Variants in ATP12A observed in about 807,000 individuals in gnomAD.
ATP12A encodes the protein potassium-transporting ATPase alpha chain 2.
Under a neutral mutation model 111.2 loss-of-function variants are expected in ATP12A, and 81 were observed. The ratio of observed to expected loss-of-function variants is 0.73; its 90% CI spans 0.61 to 0.88. The LOEUF (loss-of-function observed/expected upper bound fraction) is 0.88. ATP12A is among the 40% of genes least tolerant of loss of function. The probability of loss-of-function intolerance (pLI) is 0.00; values close to 1 mark genes in which losing one functional copy is unlikely to be tolerated. For missense variants in ATP12A, 1,196 were observed against 1,313.1 expected (o/e 0.91, Z 1.38); for synonymous variants, 498 against 499.8 (o/e 1.00, Z 0.05).
chr13:24,680,464 C>T lies in ATP12A; in HGVS notation c.-280C>T, dbSNP rs1327915354. ...TCGGTCCCCCTCCCTGCGCGCGCGC[C>T]GGCGGGTTTCCTACCCTCCGAGGCG... On this transcript the variant is annotated 5_prime_UTR_variant, in exon 1 of 23. Transcript: ENST00000381946. 7.0e-6 allele frequency: 3 copies of T among 429,490 alleles called. No individual in the cohort carries two copies. The highest frequency in any genetic ancestry group is 4.1e-5 in the South Asian group (1 of 24,112). 26.6% of individuals were successfully genotyped at this position (429,490 alleles called of 1,614,324 possible).
At chr13:24,701,874 C>A in intron 13 of ATP12A, 61 bp from the exon 14 acceptor site, 2 of 1,608,058 alleles carry the variant, frequency 1.2e-6, no homozygotes, top group Non-Finnish European at 1.7e-6. Context: ...ACTGAACCAT[C>A]CCCACTTTGG....
intron 4 of ATP12A, 117 bp downstream of exon 4, chr13:24,688,639 C>A: frequency 9.4e-7 from 1 of 1,059,656 alleles, no homozygotes; most frequent in Non-Finnish European, 1.3e-6. Context: ...AGGCATTTTC[C>A]CAGCTGTAAA....
chr13:24,688,451 G>A lies in ATP12A; in HGVS notation c.361G>A (p.Val121Met), dbSNP rs746901315. The A allele has an allele frequency of 1.9e-6, 3 of 1,613,926 alleles. No individual in the cohort carries two copies. The highest frequency in any genetic ancestry group is 2.5e-6 in the Non-Finnish European group (3 of 1,179,952). Residue 121 changes from valine (V) to methionine (M), a missense_variant, in exon 4 of 23, where the codon GTG becomes ATG. By Grantham distance (21) the Val-to-Met change is conservative. Around this residue, in one of 3 missense-constraint regions of ATP12A, gnomAD observed 1,126 missense variants for 1,228.5 expected, o/e 0.92. Transcript: ENST00000381946. ...MVGGFSILLW[V>M]GAFLCWIAYG... ...GGGGGGGTTCTCTATCCTCCTGTGG[G>A]TGGGCGCCTTTCTCTGTTGGATTGC...
chr13:24,694,543 GC>G lies in ATP12A; in HGVS notation c.1478del (p.Ala493ValfsTer29). On this transcript the variant is annotated frameshift_variant, in exon 11 of 23. Transcript: ENST00000381946. LOFTEE classifies it high-confidence loss of function. ...AATTAGAAAAAGAAACCGCAAAGTA[GC>G]TGAAATCCCTTTTAACTCTACTAAT... is the stretch of plus-strand genomic sequence containing the variant. ...MEIRKRNRKVAEIPFNSTNKF... is the reference protein window; with the variant it reads ...MEIRKRNRKVXEIPFNSTNKF... The G allele has an allele frequency of 6.2e-7, 1 of 1,613,714 alleles. No homozygotes were observed. Among genetic ancestry groups the G allele is most frequent in the Non-Finnish European group, 8.5e-7 (1 of 1,180,044 alleles).
At chr13:24,704,004 T>C (rs1217333802) in intron 14 of ATP12A, among the ~76,000 whole-genome samples, 1 of 150,394 alleles carries the variant, frequency 6.6e-6, no homozygotes, top group African/African-American at 2.5e-5. Flanking sequence ...TAGCAGATTT[T>C]TTTTTTTTTG....
In ATP12A at chr13:24,690,985, C is replaced by T; in HGVS notation, c.803C>T (p.Thr268Ile). The T allele has an allele frequency of 1.2e-6, 2 of 1,614,162 alleles. No homozygotes were observed. Among genetic ancestry groups the T allele is most frequent in the Non-Finnish European group, 1.7e-6 (2 of 1,179,990 alleles). ...AAAGCATCTACTTCCCCTGTAGGCA[C>T]TGTCACCGGCATGGTTATCAACACG... ...CFYSTTCLEG[T>I]VTGMVINTGD... The change falls in exon 8 of 23, where the codon ACT becomes ATT. Residue 268 changes from threonine (T) to isoleucine (I), a missense_variant. This residue lies in a region of ATP12A where 1,126 missense variants were observed against 1,228.5 expected (regional missense o/e 0.92). Transcript: ENST00000381946.
chr13:24,681,912 GTA>G (rs1161237075), intron 2 of ATP12A, among the ~76,000 whole-genome samples, 192 bp downstream of exon 2: 16 of 138,934 alleles, frequency 1.2e-4, no homozygotes, highest in African/African-American at 4.3e-4. Context: ...TGGTGTGTGT[GTA>G]TGTGTGGTGT....
chr13:24,701,273 G>A (rs924731429), intron 13 of ATP12A, among the ~76,000 whole-genome samples: 9 of 152,168 alleles, frequency 5.9e-5, no homozygotes, highest in East Asian at 3.9e-4. Flanking sequence ...TGAGGCAGGC[G>A]GATCATCTGA....
intron 14 of ATP12A, 68 bp from the exon 15 acceptor site, chr13:24,706,245 T>C: frequency 6.4e-7 from 1 of 1,564,464 alleles, no homozygotes; most frequent in South Asian, 1.2e-5. Flanking sequence ...GCCAGCATCC[T>C]GCCTGGAACA....
In ATP12A at chr13:24,692,857, A is replaced by G. The variant is rs1371577783; in HGVS notation, c.1338A>G (p.Ala446=). Residue 446 remains alanine (A), a synonymous_variant, in exon 10 of 23, where the codon GCA becomes GCG. Coordinates refer to ENST00000381946, the MANE Select transcript of ATP12A (RefSeq NM_001676.7). ...LSKIITLCNR[A]EFKPGQENVP... ...AGATAATAACATTGTGTAACCGAGC[A>G]GAGTTCAAGCCAGGACAGGAAAATG... is the stretch of plus-strand genomic sequence containing the variant. The G allele has an allele frequency of 2.5e-6, 4 of 1,614,252 alleles. No homozygotes were observed. The Admixed American group carries it at 6.7e-5, about 27-fold the overall frequency.
chr13:24,692,535 A>G lies in ATP12A; in HGVS notation c.1175A>G (p.Lys392Arg), dbSNP rs1161575188. Residue 392 changes from lysine to arginine, a missense_variant, in exon 9 of 23, where the codon AAG (lysine) becomes AGG (arginine). Transcript: ENST00000381946. The part of the protein sequence containing the change: ...LGSTSIICSD[K>R]TGTLTQNRMT... ...TCCACCTCCATCATCTGCTCGGACA[A>G]GACTGGGACACTGACCCAGAACAGG... is the stretch of plus-strand genomic sequence containing the variant. 2 of 1,613,796 alleles carry G rather than the reference A, an allele frequency of 1.2e-6. No homozygotes were observed. Among genetic ancestry groups the G allele is most frequent in the East Asian group, 2.2e-5 (1 of 44,872 alleles).
Position 24,702,065 on chromosome 13 carries a change from A to C in ATP12A, c.2012A>C (p.Asn671Thr), listed in dbSNP as rs1175601657. Residue 671 changes from asparagine to threonine, a missense_variant, in exon 14 of 23, where the codon AAC (asparagine) becomes ACC (threonine). Asn to Thr is a moderately conservative substitution (Grantham distance 65). This residue lies in a region of ATP12A where 1,126 missense variants were observed against 1,228.5 expected (regional missense o/e 0.92). Coordinates refer to ENST00000381946, the MANE Select transcript of ATP12A (RefSeq NM_001676.7). The stretch of plus-strand genomic sequence containing the variant: ...CTCAACATTGCTGTGGAGCAAGTTA[A>C]CAAACGGTAAGCACAGGAGCAGCAT... The part of the protein sequence containing the change: ...HRLNIAVEQV[N>T]KRDAKAAVVT... 6.2e-7 allele frequency: 1 copy of C among 1,614,260 alleles called. No homozygotes were observed. Among genetic ancestry groups the C allele is most frequent in the East Asian group, 2.2e-5 (1 of 44,894 alleles).
Position 24,706,313 on chromosome 13 carries a change from G to C in ATP12A, c.2019G>C (p.Arg673=). The change falls in exon 15 of 23, where the codon CGG becomes CGC. Residue 673 remains arginine (R), a splice_region_variant and synonymous_variant. Coordinates refer to ENST00000381946, the MANE Select transcript of ATP12A (RefSeq NM_001676.7). Reference sequence around the variant, plus strand: ...ACCCAGTTTCTTCTGGCCCTTCTAGGGATGCCAAGGCCGCTGTGGTGACTG... The same window carrying C: ...ACCCAGTTTCTTCTGGCCCTTCTAGCGATGCCAAGGCCGCTGTGGTGACTG... ...LNIAVEQVNK[R]DAKAAVVTGM... 6.2e-7 allele frequency: 1 copy of C among 1,613,838 alleles called. No individual in the cohort carries two copies. The highest frequency in any genetic ancestry group is 8.5e-7 in the Non-Finnish European group (1 of 1,179,828).
chr13:24,687,378 C>T (rs1012741750), intron 3 of ATP12A, among the ~76,000 whole-genome samples: 1 of 151,990 alleles, frequency 6.6e-6, no homozygotes, highest in Non-Finnish European at 1.5e-5. Context: ...GCAGGAGAAT[C>T]GCTTGAACCC....
chr13:24,698,278 T>C (rs1275721671), intron 11 of ATP12A, among the ~76,000 whole-genome samples: 1 of 151,914 alleles, frequency 6.6e-6, no homozygotes, highest in African/African-American at 2.4e-5. Context: ...TCAGAATAGT[T>C]TGGGTCTGAA....
intron 4 of ATP12A, 47 bp downstream of exon 4, chr13:24,688,569 C>A (rs1336699701): frequency 2.7e-6 from 4 of 1,485,812 alleles, no homozygotes; most frequent in Non-Finnish European, 3.6e-6. Flanking sequence ...CAGAGCCATC[C>A]AGTGAGGCCT....
chr13:24,688,431 G>T lies in ATP12A; in HGVS notation c.341G>T (p.Gly114Val), dbSNP rs767932766. The change falls in exon 4 of 23, where the codon GGG (glycine) becomes GTG (valine). Residue 114 changes from glycine to valine, a missense_variant. By Grantham distance (109) the Gly-to-Val change is moderately radical. Around this residue, in one of 3 missense-constraint regions of ATP12A, gnomAD observed 1,126 missense variants for 1,228.5 expected, o/e 0.92. Coordinates refer to ENST00000381946, the MANE Select transcript of ATP12A (RefSeq NM_001676.7). ...IVKFLKQMVG[G>V]FSILLWVGAF... ...AAGTTCCTCAAGCAGATGGTGGGGG[G>T]GTTCTCTATCCTCCTGTGGGTGGGC... The T allele has an allele frequency of 6.2e-7, 1 of 1,614,142 alleles. No individual in the cohort carries two copies. Among genetic ancestry groups the T allele is most frequent in the Non-Finnish European group, 8.5e-7 (1 of 1,180,018 alleles).
chr13:24,707,204 C>T lies in ATP12A; in HGVS notation c.2338+13C>T. 6.2e-7 allele frequency: 1 copy of T among 1,613,158 alleles called. No homozygotes were observed. The highest frequency in any genetic ancestry group is 8.5e-7 in the Non-Finnish European group (1 of 1,179,404). On this transcript the variant is annotated intron_variant, in intron 16 of 22. Coordinates refer to ENST00000381946, the MANE Select transcript of ATP12A (RefSeq NM_001676.7). ...GGGGTGGAGGAAGGTGAGTGAGTCT[C>T]AGGGGGTCTTCCCAAGGGCCAGGGT... is the stretch of plus-strand genomic sequence containing the variant.
chr13:24,692,659 A>G, intron 9 of ATP12A, 32 bp downstream of exon 9: 3 of 1,603,340 alleles, frequency 1.9e-6, no homozygotes, highest in Non-Finnish European at 1.7e-6. Flanking sequence ...GTCTGGCCAA[A>G]GCTGTGGACT....
Sources: allele counts gnomAD v4.1 joint callset (sites outside exome capture counted in the v4.1 genomes callset), GRCh38; gene constraint gnomAD v4.1.1; regional missense constraint gnomAD v4.1.1; transcripts MANE v1.5; gene names NCBI Gene and HGNC (gene_info 2026-07-23, HGNC 2026-07-21).